KCNMA1: variants seen among roughly 807,000 people sequenced by gnomAD.
KCNMA1 encodes Calcium-activated potassium channel subunit alpha-1.
In KCNMA1, 29 loss-of-function variants were observed where a neutral mutation model predicts 140.0. That is an observed-to-expected ratio of 0.21 (90% CI 0.15 to 0.28). KCNMA1 has a LOEUF of 0.28. Among genes scored for constraint, KCNMA1 ranks in the 10% least tolerant of loss-of-function variants. The pLI is 1.00. For synonymous variants in KCNMA1, 612 were observed against 611.9 expected (o/e 1.00, Z 0.00); for missense variants, 880 against 1,602.2 (o/e 0.55, Z 7.70).
intron 1 of KCNMA1, 76 bp from the exon 2 acceptor site, chr10:77,404,099 A>G: frequency 6.7e-7 from 1 of 1,490,338 alleles, no homozygotes. Flanking sequence ...ATAAAGAACC[A>G]GAGCCAGAAG....
chr10:77,565,229 G>T (rs752272835), intron 1 of KCNMA1, among the ~76,000 whole-genome samples: 2 of 152,126 alleles, frequency 1.3e-5, no homozygotes, highest in Non-Finnish European at 2.9e-5. Context: ...CAGGCTCAGG[G>T]ATTCCAGGGA....
chr10:77,062,143 C>T (rs2095780124), intron 14 of KCNMA1, among the ~76,000 whole-genome samples: 1 of 152,088 alleles, frequency 6.6e-6, no homozygotes, highest in Admixed American at 6.6e-5. Flanking sequence ...AAATGAAAAA[C>T]ACTTCTGGAA....
intron 2 of KCNMA1, among the ~76,000 whole-genome samples, chr10:77,279,633 C>A (rs947453485): frequency 6.6e-6 from 1 of 152,100 alleles, no homozygotes; most frequent in Non-Finnish European, 1.5e-5. Context: ...GGTGGCCTAC[C>A]AGGTGTCTTG....
chr10:77,436,030 C>T (rs1047680533), intron 1 of KCNMA1, among the ~76,000 whole-genome samples: 1 of 152,208 alleles, frequency 6.6e-6, no homozygotes, highest in African/African-American at 2.4e-5. Context: ...AGCCAAATGG[C>T]CCTTAAGAAA....
At chr10:76,932,544 A>G (rs138410518) in intron 23 of KCNMA1, among the ~76,000 whole-genome samples, 57 of 152,280 alleles carry the variant, frequency 3.7e-4, no homozygotes, top group African/African-American at 1.3e-3. Context: ...GATGTTTAAT[A>G]ACCTTTCTGC....
intron 1 of KCNMA1, among the ~76,000 whole-genome samples, chr10:77,418,561 C>A (rs2096793875): frequency 6.6e-6 from 1 of 152,122 alleles, no homozygotes; most frequent in Non-Finnish European, 1.5e-5. Context: ...TCCCTACACC[C>A]AGGGGCATCC....
intron 2 of KCNMA1, among the ~76,000 whole-genome samples, chr10:77,343,486 G>A (rs2091469171): frequency 6.6e-6 from 1 of 152,118 alleles, no homozygotes; most frequent in African/African-American, 2.4e-5. Flanking sequence ...CCTGATAAAG[G>A]GGGTGGCAGA....
chr10:76,991,158 C>T (rs957102978), intron 19 of KCNMA1, among the ~76,000 whole-genome samples: 2 of 152,190 alleles, frequency 1.3e-5, no homozygotes, highest in African/African-American at 4.8e-5. Flanking sequence ...CTCACATGAG[C>T]CCTGCCCAAT....
At chr10:77,154,881 A>G (rs1211664982) in intron 5 of KCNMA1, among the ~76,000 whole-genome samples, 1 of 152,268 alleles carries the variant, frequency 6.6e-6, no homozygotes, top group African/African-American at 2.4e-5. Flanking sequence ...ATAAATTGCT[A>G]TAAAACACAC....
intron 1 of KCNMA1, chr10:77,636,697 T>C: frequency 6.5e-7 from 1 of 1,528,414 alleles, no homozygotes; most frequent in South Asian, 1.2e-5. Flanking sequence ...GAAGTCCCCC[T>C]GTTATCTCGG....
rs1030390110 is a variant in KCNMA1, at chr10:76,918,156, C to T, written c.2903-3107G>A. Among the ~76,000 whole-genome samples, 26 of 152,150 alleles carry T rather than the reference C, an allele frequency of 1.7e-4. 1 individual carries two copies. The highest frequency in any genetic ancestry group is 6.5e-5 in the Admixed American group (1 of 15,274). On this transcript the variant is annotated intron_variant, in intron 23 of 27. Transcript: ENST00000286628. ...AACGCCCTAGTTCTGCATGTGAACA[C>T]ACTGGCACATGGAATATACTCCAGA... is the stretch of plus-strand genomic sequence containing the variant.
chr10:77,127,715 G>A (rs547542639), intron 5 of KCNMA1, among the ~76,000 whole-genome samples: 1 of 152,290 alleles, frequency 6.6e-6, no homozygotes, highest in East Asian at 1.9e-4. Context: ...GCTCATGCCT[G>A]TTATCCCAGC....
In KCNMA1 at chr10:77,365,824, G is replaced by A. The variant is rs537034036; in HGVS notation, c.540+38038C>T. 5.9e-5 allele frequency among the ~76,000 whole-genome samples: 9 copies of A among 152,222 alleles called. No homozygotes were observed. The East Asian group carries it at 1.2e-3, about 20-fold the overall frequency. ...TCATGGAGATCTCTGGCACTTTGGT[G>A]GGCCCTACTTAGAAACCATCTTCCT... On this transcript the variant is annotated intron_variant, in intron 2 of 27. Transcript: ENST00000286628.
chr10:76,900,168 CTG>C (rs1220910370), intron 25 of KCNMA1, among the ~76,000 whole-genome samples: 2 of 152,060 alleles, frequency 1.3e-5, no homozygotes, highest in South Asian at 4.1e-4. Context: ...ATAATGTACA[CTG>C]TTTCATAATA....
intron 2 of KCNMA1, among the ~76,000 whole-genome samples, chr10:77,285,378 G>C (rs1354156420): frequency 6.6e-6 from 1 of 151,564 alleles, no homozygotes; most frequent in Non-Finnish European, 1.5e-5. Flanking sequence ...CAAAAGCTTT[G>C]GCAATCCAAA....
intron 1 of KCNMA1, among the ~76,000 whole-genome samples, chr10:77,435,452 G>A (rs1235041773): frequency 6.6e-6 from 1 of 152,138 alleles, no homozygotes; most frequent in Non-Finnish European, 1.5e-5. Context: ...GTTCAAAAGG[G>A]AGACAGGCAA....
chr10:77,439,822 C>T (rs902748591), intron 1 of KCNMA1, among the ~76,000 whole-genome samples: 29 of 152,276 alleles, frequency 1.9e-4, no homozygotes, highest in African/African-American at 6.7e-4. Context: ...GGGGCCTCTT[C>T]GTACACCTCA....
chr10:77,035,497 G>C (rs559405274), intron 15 of KCNMA1, among the ~76,000 whole-genome samples: 5 of 151,904 alleles, frequency 3.3e-5, no homozygotes, highest in African/African-American at 9.7e-5. Flanking sequence ...TAGGGAAACT[G>C]AATATTTTAC....
chr10:77,088,919 C>A (rs1437296948), intron 10 of KCNMA1, among the ~76,000 whole-genome samples: 1 of 152,196 alleles, frequency 6.6e-6, no homozygotes, highest in African/African-American at 2.4e-5. Context: ...CTTCAGCATC[C>A]CTTGGATAAC....
Sources: allele counts gnomAD v4.1 joint callset (sites outside exome capture counted in the v4.1 genomes callset), GRCh38; gene constraint gnomAD v4.1.1; transcripts MANE v1.5; gene names NCBI Gene and HGNC (gene_info 2026-07-23, HGNC 2026-07-21).